The following CPVL variants were observed in gnomAD, a reference collection of about 807,000 sequenced individuals.
CPVL encodes carboxypeptidase vitellogenic like.
CPVL carries 51 observed loss-of-function variants against 63.7 expected under a neutral mutation model. The ratio of observed to expected loss-of-function variants is 0.80; its 90% CI spans 0.64 to 1.01. CPVL has a LOEUF of 1.01. CPVL is among the 50% of genes least tolerant of loss of function. CPVL has a pLI of 0.00. For missense variants in CPVL, 530 were observed against 573.1 expected (o/e 0.92, Z 0.77); for synonymous variants, 195 against 206.0 (o/e 0.95, Z 0.46).
chr7:29,056,199 A>C (rs1790713232), intron 11 of CPVL, among the ~76,000 whole-genome samples: 1 of 152,134 alleles, frequency 6.6e-6, no homozygotes, highest in Admixed American at 6.5e-5. Context: ...TCATCAAATC[A>C]CCTAAAGTCC....
Position 28,995,686 on chromosome 7 carries a change from A to AT in CPVL, c.*85dup, listed in dbSNP as rs1783984154. ...AAAATCTTGCAGATATGAAAAGATA[A>AT]TTTTTTTATTCCTATGACATTTTCT... On this transcript the variant is annotated 3_prime_UTR_variant, in exon 13 of 13. Transcript: ENST00000265394. The AT allele has an allele frequency of 9.9e-6, 8 of 807,314 alleles. No individual in the cohort carries two copies. The highest frequency in any genetic ancestry group is 1.4e-5 in the Non-Finnish European group (7 of 504,068). The allele number at this position is 807,314 out of a possible 1,614,324, so 50.0% of individuals were successfully genotyped here. A position where few individuals can be genotyped will look rare whatever the true frequency, so the allele number is the denominator to read the frequency against.
chr7:29,099,070 AAAT>A (rs1004834993), intron 3 of CPVL, among the ~76,000 whole-genome samples: 3 of 152,072 alleles, frequency 2.0e-5, no homozygotes, highest in African/African-American at 4.8e-5. Context: ...CGTCTCAAAA[AAAT>A]AATAATAATA....
chr7:29,060,778 G>A (rs1356164082), intron 11 of CPVL, among the ~76,000 whole-genome samples: 1 of 152,112 alleles, frequency 6.6e-6, no homozygotes, highest in Non-Finnish European at 1.5e-5. Flanking sequence ...ACCCAGTACT[G>A]GAAAAAGACC....
chr7:29,090,404 T>G (rs1401757295), intron 6 of CPVL, among the ~76,000 whole-genome samples: 2 of 152,254 alleles, frequency 1.3e-5, no homozygotes, highest in African/African-American at 4.8e-5. Flanking sequence ...GGAAGCCTGC[T>G]TCCTAGCTGC....
intron 11 of CPVL, among the ~76,000 whole-genome samples, chr7:29,031,264 T>A (rs957157860): frequency 2.0e-5 from 3 of 152,184 alleles, no homozygotes; most frequent in Admixed American, 6.6e-5. Flanking sequence ...ACAGAGAGAT[T>A]CAGGTGCCTC....
At chr7:29,091,506 C>T (rs192481686) in intron 6 of CPVL, among the ~76,000 whole-genome samples, 4 of 152,054 alleles carry the variant, frequency 2.6e-5, no homozygotes, top group African/African-American at 4.8e-5. Flanking sequence ...GGAGGACTGC[C>T]GTCCGTTACG....
At chr7:29,137,725 C>A (rs566394482) in intron 1 of CPVL, among the ~76,000 whole-genome samples, 3 of 151,996 alleles carry the variant, frequency 2.0e-5, no homozygotes, top group Non-Finnish European at 4.4e-5. Context: ...TGTACTCTCA[C>A]TATCTGCCCA....
At chr7:29,003,173 CACACACACACACACAG>C (rs913522566) in intron 12 of CPVL, among the ~76,000 whole-genome samples, 2 of 84,622 alleles carry the variant, frequency 2.4e-5, no homozygotes, top group African/African-American at 5.6e-5. Context: ...CACACACACA[CACACACACACACACAG>C]AGAGAATAGC....
intron 3 of CPVL, among the ~76,000 whole-genome samples, chr7:29,101,049 T>A (rs1485122940): frequency 6.6e-6 from 1 of 152,220 alleles, no homozygotes; most frequent in African/African-American, 2.4e-5. Context: ...CATGAGGTTA[T>A]TATGTGACAA....
At chr7:29,039,120 G>A (rs778201354) in intron 11 of CPVL, among the ~76,000 whole-genome samples, 2 of 152,130 alleles carry the variant, frequency 1.3e-5, no homozygotes, top group Non-Finnish European at 2.9e-5. Context: ...CCTTAGAAGA[G>A]GGGCCAAGAA....
intron 5 of CPVL, among the ~76,000 whole-genome samples, chr7:29,170,638 G>A (rs575801320): frequency 4.6e-5 from 7 of 152,194 alleles, no homozygotes; most frequent in African/African-American, 7.2e-5. Context: ...GAACACTTCT[G>A]TGTGACTTTC....
chr7:29,150,588 T>A (rs546297293), upstream of CPVL, among the ~76,000 whole-genome samples: 8 of 152,298 alleles, frequency 5.3e-5, no homozygotes, highest in East Asian at 1.4e-3. Flanking sequence ...TAAATACAAT[T>A]CCAATTGTCT....
intron 3 of CPVL, among the ~76,000 whole-genome samples, chr7:29,099,817 G>A (rs1786897994): frequency 6.6e-6 from 1 of 152,204 alleles, no homozygotes; most frequent in Admixed American, 6.5e-5. Flanking sequence ...GAGCCAGACA[G>A]GCTGTGGTTC....
intron 7 of CPVL, among the ~76,000 whole-genome samples, chr7:29,073,257 CTT>C (rs1783924341): frequency 6.6e-6 from 1 of 151,980 alleles, no homozygotes; most frequent in African/African-American, 2.4e-5. Context: ...TTATATCTCT[CTT>C]TGTCTCGTAT....
At chr7:29,040,452 T>A (rs1004429717) in intron 11 of CPVL, among the ~76,000 whole-genome samples, 1 of 152,160 alleles carries the variant, frequency 6.6e-6, no homozygotes, top group Non-Finnish European at 1.5e-5. Context: ...TGTCCATCAC[T>A]CTCACTGTTG....
intron 5 of CPVL, among the ~76,000 whole-genome samples, chr7:29,093,426 AG>A (rs1313939789): frequency 6.6e-6 from 1 of 151,554 alleles, no homozygotes; most frequent in Non-Finnish European, 1.5e-5. Flanking sequence ...CTGAAGAAAA[AG>A]GTAGTTGTAC....
At chr7:29,084,446 C>T (rs560809495) in intron 7 of CPVL, among the ~76,000 whole-genome samples, 38 of 152,360 alleles carry the variant, frequency 2.5e-4, no homozygotes, top group African/African-American at 9.1e-4. Flanking sequence ...CACTCTCCAG[C>T]CCTTGCCCTA....
intron 12 of CPVL, among the ~76,000 whole-genome samples, chr7:29,002,748 GA>G (rs1784764925): frequency 6.6e-6 from 1 of 151,474 alleles, no homozygotes; most frequent in East Asian, 2.0e-4. Context: ...TTGAAATTAA[GA>G]ACTCGATCGA....
At chr7:29,077,722 G>C (rs1407910317) in intron 7 of CPVL, among the ~76,000 whole-genome samples, 1 of 152,148 alleles carries the variant, frequency 6.6e-6, no homozygotes, top group Non-Finnish European at 1.5e-5. Flanking sequence ...GCTCATCCCA[G>C]GCACAGACTA....
Sources: allele counts gnomAD v4.1 joint callset (sites outside exome capture counted in the v4.1 genomes callset), GRCh38; gene constraint gnomAD v4.1.1; transcripts MANE v1.5; gene names NCBI Gene and HGNC (gene_info 2026-07-23, HGNC 2026-07-21).